Variants in TNRC6A observed in about 807,000 individuals in gnomAD.
TNRC6A encodes trinucleotide repeat-containing gene 6A protein.
Under a neutral mutation model 221.2 loss-of-function variants are expected in TNRC6A, and 44 were observed. The observed-to-expected ratio is 0.20, with a 90% CI of 0.16 to 0.26. The LOEUF (loss-of-function observed/expected upper bound fraction) is 0.26, where lower values mean the gene tolerates loss of function less well. Ranked by LOEUF, TNRC6A falls within the 10% of genes least tolerant of loss-of-function variation. TNRC6A has a pLI of 1.00. For synonymous variants in TNRC6A, 847 were observed against 838.5 expected, an observed-to-expected ratio of 1.01 and a Z score of -0.18; for missense variants, 2,199 against 2,404.4, an observed-to-expected ratio of 0.91 and a Z score of 1.79.
At chr16:24,782,078 T>A (rs1433732592) in intron 5 of TNRC6A, among the ~76,000 whole-genome samples, 1 of 152,178 alleles carries the variant, frequency 6.6e-6, no homozygotes, top group Non-Finnish European at 1.5e-5. Context: ...CGCCTCGGCC[T>A]CCCAAAGTGC....
intron 2 of TNRC6A, among the ~76,000 whole-genome samples, chr16:24,717,673 A>C (rs980444511): frequency 1.3e-5 from 2 of 151,816 alleles, no homozygotes; most frequent in African/African-American, 2.4e-5. Context: ...GACAGTCATG[A>C]TATTAACAAA....
chr16:24,672,370 C>A (rs545409423), intron 2 of TNRC6A, among the ~76,000 whole-genome samples: 1 of 152,058 alleles, frequency 6.6e-6, no homozygotes, highest in Admixed American at 6.6e-5. Flanking sequence ...CCTCGTGATC[C>A]GCCCTCCTCG....
chr16:24,814,030 A>T (rs1032129523), intron 18 of TNRC6A, among the ~76,000 whole-genome samples: 12 of 152,232 alleles, frequency 7.9e-5, no homozygotes, highest in Non-Finnish European at 1.8e-4. Context: ...ACAGATGCAT[A>T]GTTCACACAG....
chr16:24,675,445 C>T (rs770608617), intron 2 of TNRC6A, among the ~76,000 whole-genome samples: 3 of 151,766 alleles, frequency 2.0e-5, no homozygotes, highest in Non-Finnish European at 2.9e-5. Flanking sequence ...CTTTGGGAGG[C>T]CGAGGCAGGT....
chr16:24,716,541 C>T (rs942577215), intron 2 of TNRC6A, among the ~76,000 whole-genome samples: 6 of 152,072 alleles, frequency 3.9e-5, no homozygotes, highest in Admixed American at 2.0e-4. Context: ...TGATGGTGCA[C>T]GCCTGTAGTC....
At chr16:24,650,537 T>G (rs532472216) in intron 2 of TNRC6A, among the ~76,000 whole-genome samples, 1 of 151,894 alleles carries the variant, frequency 6.6e-6, no homozygotes, top group African/African-American at 2.4e-5. Flanking sequence ...CGGTGGCAGG[T>G]GCCTGTAAGC....
chr16:24,722,159 C>T (rs1421624040), intron 2 of TNRC6A, among the ~76,000 whole-genome samples: 2 of 152,186 alleles, frequency 1.3e-5, no homozygotes, highest in Non-Finnish European at 1.5e-5. Flanking sequence ...GCCTGTAACT[C>T]CTGTGCTTTG....
chr16:24,812,379 A>G (rs934040978), intron 18 of TNRC6A, among the ~76,000 whole-genome samples: 1 of 152,072 alleles, frequency 6.6e-6, no homozygotes, highest in African/African-American at 2.4e-5. Context: ...GAAGAGAGAG[A>G]ACAGGGAGTT....
intron 11 of TNRC6A, among the ~76,000 whole-genome samples, chr16:24,799,395 T>C (rs548561867): frequency 6.6e-6 from 1 of 152,182 alleles, no homozygotes; most frequent in Non-Finnish European, 1.5e-5. Context: ...GCAACGCAAC[T>C]CTGTATTTCT....
chr16:24,633,661 G>A (rs993530318), intron 1 of TNRC6A, among the ~76,000 whole-genome samples: 1 of 152,130 alleles, frequency 6.6e-6, no homozygotes, highest in African/African-American at 2.4e-5. Flanking sequence ...CCAAAGTGCT[G>A]GGATTACAGG....
At position 24,777,153 on chromosome 16, in the gene TNRC6A, C is replaced by T; in HGVS notation, c.384C>T (p.Ala128=). ...AGCAGCCACAGCAGCAGCCACAGGC[C>T]TTGCCTCGGTATCCTCGTGAAGTAC... ...QQQQPQQQPQ[A]LPRYPREVPP... Residue 128 remains alanine (A), a synonymous_variant, in exon 5 of 25, where the codon GCC becomes GCT. Coordinates refer to ENST00000395799, the MANE Select transcript of TNRC6A (RefSeq NM_014494.4). The T allele has an allele frequency of 2.5e-6, 4 of 1,614,058 alleles. No individual in the cohort carries two copies. Among genetic ancestry groups the T allele is most frequent in the Non-Finnish European group, 3.4e-6 (4 of 1,179,992 alleles).
chr16:24,629,748 G>T (rs997421188), intron 1 of TNRC6A, among the ~76,000 whole-genome samples: 1 of 152,120 alleles, frequency 6.6e-6, no homozygotes, highest in African/African-American at 2.4e-5. Context: ...GGAGGCCGAG[G>T]CAGGTGAATT....
At chr16:24,656,201 G>A (rs1332105598) in intron 2 of TNRC6A, among the ~76,000 whole-genome samples, 1 of 150,912 alleles carries the variant, frequency 6.6e-6, no homozygotes, top group East Asian at 2.0e-4. Flanking sequence ...GGTGGCTCAG[G>A]CCTGTAATCC....
chr16:24,659,071 A>G (rs2054975750), intron 2 of TNRC6A, among the ~76,000 whole-genome samples: 1 of 146,924 alleles, frequency 6.8e-6, no homozygotes, highest in South Asian at 2.1e-4. Flanking sequence ...AGTCTCCCAA[A>G]GTGCTGGGAT....
intron 2 of TNRC6A, among the ~76,000 whole-genome samples, chr16:24,664,356 A>G (rs1009743879): frequency 1.3e-5 from 2 of 148,610 alleles, no homozygotes; most frequent in African/African-American, 4.9e-5. Flanking sequence ...TAATAAATAA[A>G]TAACAATATT....
Position 24,797,898 on chromosome 16 carries a change from G to C in TNRC6A, c.3643-17G>C, listed in dbSNP as rs188259950. 260 of 1,598,174 alleles carry C rather than the reference G, an allele frequency of 1.6e-4. No individual in the cohort carries two copies. The Middle Eastern group carries it at 1.9e-3, about 11-fold the overall frequency. ...ATAAATTAAGGTCTGCTAACATGCT[G>C]CATTTTCTTTCTTCAGAGAGACTCA... On this transcript the variant is annotated splice_polypyrimidine_tract_variant and intron_variant, in intron 10 of 24. Coordinates refer to ENST00000395799, the MANE Select transcript of TNRC6A (RefSeq NM_014494.4).
intron 2 of TNRC6A, among the ~76,000 whole-genome samples, chr16:24,678,983 T>C (rs1033563146): frequency 1.4e-5 from 2 of 146,706 alleles, no homozygotes; most frequent in Non-Finnish European, 3.0e-5. Flanking sequence ...AAAAGACCTT[T>C]AAAACATTGA....
intron 2 of TNRC6A, among the ~76,000 whole-genome samples, chr16:24,648,484 A>G (rs369823760): frequency 1.3e-5 from 2 of 151,688 alleles, no homozygotes; most frequent in East Asian, 1.9e-4. Flanking sequence ...GTTAGCCAGG[A>G]TGGTCTCGAT....
intron 20 of TNRC6A, among the ~76,000 whole-genome samples, chr16:24,818,094 G>T (rs957464254): frequency 6.6e-6 from 1 of 152,134 alleles, no homozygotes; most frequent in African/African-American, 2.4e-5. Flanking sequence ...GTGGTCGATG[G>T]GGTTTTGAAA....
Sources: gnomAD v4.1 joint callset for allele counts (sites outside exome capture counted in the v4.1 genomes callset) on GRCh38, gnomAD v4.1.1 for gene constraint, MANE v1.5 for transcripts, NCBI Gene and HGNC (gene_info 2026-07-23, HGNC 2026-07-21) for gene names.